The following PRR14L variants were observed in gnomAD, a reference collection of about 807,000 sequenced individuals.
PRR14L encodes the protein proline rich 14 like.
Under a neutral mutation model 155.0 loss-of-function variants are expected in PRR14L, and 80 were observed. The ratio of observed to expected loss-of-function variants is 0.52; its 90% CI spans 0.43 to 0.62. The LOEUF is 0.62. Ranked by LOEUF, PRR14L falls within the 20% of genes least tolerant of loss-of-function variation. PRR14L has a pLI of 0.00. For synonymous variants in PRR14L, 883 were observed against 916.0 expected (o/e 0.96, Z 0.65); for missense variants, 2,469 against 2,548.0 (o/e 0.97, Z 0.67).
rs1333798312 is a variant in PRR14L, at chr22:31,715,899, T to C, written c.1940A>G (p.Glu647Gly). 2 of 1,551,612 alleles carry C rather than the reference T, an allele frequency of 1.3e-6. No homozygotes were observed. The highest frequency in any genetic ancestry group is 8.7e-7 in the Non-Finnish European group (1 of 1,146,848). ...TTGTTGATTTAAAACACATTCACTT[T>C]CTACTTTGTTTACAACCAGTTCATT... ...CTNELVVNKV[E>G]SECVLNQQVS... The change falls in exon 4 of 9, where the codon GAA becomes GGA. Residue 647 changes from glutamate (E) to glycine (G), a missense_variant. Glu to Gly is a moderately conservative substitution (Grantham distance 98). This residue lies in a region of PRR14L where 2,363 missense variants were observed against 2,371.6 expected (regional missense o/e 1.00). Coordinates refer to ENST00000327423, the MANE Select transcript of PRR14L (RefSeq NM_173566.3).
At chr22:31,701,265 G>T (rs1330672759) in intron 7 of PRR14L, among the ~76,000 whole-genome samples, 1 of 152,122 alleles carries the variant, frequency 6.6e-6, no homozygotes, top group Non-Finnish European at 1.5e-5. Context: ...TGGGGTTACA[G>T]GTGTGAGCCA....
intron 4 of PRR14L, among the ~76,000 whole-genome samples, chr22:31,708,525 C>A (rs2074603353): frequency 6.6e-6 from 1 of 152,000 alleles, no homozygotes; most frequent in Non-Finnish European, 1.5e-5. Flanking sequence ...CGAGGTTTCA[C>A]CATGTTGGCT....
chr22:31,739,934 C>T (rs1010572697), intron 1 of PRR14L, among the ~76,000 whole-genome samples: 1 of 152,090 alleles, frequency 6.6e-6, no homozygotes, highest in Non-Finnish European at 1.5e-5. Context: ...CAACAAAATC[C>T]ACTTTGACCA....
intron 5 of PRR14L, 68 bp from the exon 6 acceptor site, chr22:31,703,789 T>G: frequency 1.0e-6 from 1 of 993,248 alleles, no homozygotes; most frequent in Non-Finnish European, 1.4e-6. Flanking sequence ...TTCAACTTCT[T>G]CTTCTTCATT....
chr22:31,737,291 G>A (rs1421159724), intron 2 of PRR14L, among the ~76,000 whole-genome samples: 1 of 151,800 alleles, frequency 6.6e-6, no homozygotes, highest in Admixed American at 6.6e-5. Context: ...GACCAGCCTG[G>A]TCAACATGGT....
intron 8 of PRR14L, among the ~76,000 whole-genome samples, chr22:31,686,081 T>C (rs1161508885): frequency 6.6e-6 from 1 of 151,262 alleles, no homozygotes; most frequent in Non-Finnish European, 1.5e-5. Context: ...ACTACAGGTA[T>C]GTGTCACTAT....
intron 4 of PRR14L, among the ~76,000 whole-genome samples, chr22:31,710,491 C>T (rs1422794316): frequency 2.0e-5 from 3 of 150,800 alleles, no homozygotes; most frequent in African/African-American, 4.9e-5. Context: ...CTCACTCTGT[C>T]GCCCAGGCTG....
chr22:31,738,998 G>C (rs750733437), intron 1 of PRR14L, 87 bp from the exon 2 acceptor site: 5 of 588,150 alleles, frequency 8.5e-6, no homozygotes, highest in Non-Finnish European at 1.5e-5. Flanking sequence ...CTACAACGAA[G>C]AAAATAAGTT....
In PRR14L at chr22:31,714,380, GGCACAA is replaced by G; in HGVS notation, c.3453_3458del (p.Cys1152_Ala1153del). 1 of 1,551,564 alleles carries G rather than the reference GGCACAA, an allele frequency of 6.4e-7. No individual in the cohort carries two copies. The highest frequency in any genetic ancestry group is 8.7e-7 in the Non-Finnish European group (1 of 1,146,960). ...GATCTGCAACAGACTCCATCTCATG[GGCACAA>G]GAGTCTGGACACTTTTCCATTTCAC... On this transcript the variant is annotated inframe_deletion, in exon 4 of 9. Transcript: ENST00000327423.
Position 31,714,397 on chromosome 22 carries a change from A to G in PRR14L, c.3442T>C (p.Cys1148Arg). 6.4e-7 allele frequency: 1 copy of G among 1,551,664 alleles called. No individual in the cohort carries two copies. The highest frequency in any genetic ancestry group is 8.7e-7 in the Non-Finnish European group (1 of 1,146,994). Residue 1148 changes from cysteine (C) to arginine (R), a missense_variant, in exon 4 of 9, where the codon TGT becomes CGT. Cys to Arg is a radical substitution (Grantham distance 180). Transcript: ENST00000327423. ...RSLKDCEMEK[C>R]PDSCAHEMES... ...ATCTCATGGGCACAAGAGTCTGGACACTTTTCCATTTCACAGTCTTTTAAA... is the reference window on the plus strand; with the variant it reads ...ATCTCATGGGCACAAGAGTCTGGACGCTTTTCCATTTCACAGTCTTTTAAA...
intron 1 of PRR14L, among the ~76,000 whole-genome samples, chr22:31,746,022 T>C (rs2147879756): frequency 6.6e-6 from 1 of 151,896 alleles, no homozygotes; most frequent in South Asian, 2.1e-4. Context: ...CTTCAAACTC[T>C]GGACTCAAGC....
intron 1 of PRR14L, among the ~76,000 whole-genome samples, chr22:31,739,390 C>G (rs1176321082): frequency 6.6e-6 from 1 of 152,194 alleles, no homozygotes; most frequent in African/African-American, 2.4e-5. Context: ...CATATACTGA[C>G]TTTTCCTCTT....
intron 2 of PRR14L, among the ~76,000 whole-genome samples, chr22:31,727,225 G>A (rs1171836242): frequency 6.7e-6 from 1 of 149,922 alleles, no homozygotes; most frequent in Non-Finnish European, 1.5e-5. Flanking sequence ...TCCTTGATTA[G>A]CCACAATTCT....
Position 31,740,685 on chromosome 22 carries a change from C to T in PRR14L, c.-51-1774G>A, listed in dbSNP as rs2074808038. Among the ~76,000 whole-genome samples, 5 of 152,084 alleles carry T rather than the reference C, an allele frequency of 3.3e-5. No individual in the cohort carries two copies. The South Asian group carries it at 1.0e-3, about 31-fold the overall frequency. On this transcript the variant is annotated intron_variant, in intron 1 of 8. Coordinates refer to ENST00000327423, the MANE Select transcript of PRR14L (RefSeq NM_173566.3). ...CCACACTTTCATTCTTGATGCTTTC[C>T]CTAACCCTAAACAAGGAGAGAAAAG... is the stretch of plus-strand genomic sequence containing the variant.
chr22:31,714,561 C>A lies in PRR14L; in HGVS notation c.3278G>T (p.Arg1093Met). Residue 1093 changes from arginine (R) to methionine (M), a missense_variant, in exon 4 of 9, where the codon AGG (arginine) becomes ATG (methionine). By Grantham distance (91) the Arg-to-Met change is moderately conservative (BLOSUM62 -1). Transcript: ENST00000327423. ...CAGTTCTCTCCGAGACAAGGTACTC[C>A]TGGAGTCCTCTTGAAATGCCAGTTT... ...QEKLAFQEDS[R>M]STLSRRELDA... The A allele has an allele frequency of 6.4e-7, 1 of 1,551,942 alleles. No homozygotes were observed. The highest frequency in any genetic ancestry group is 8.7e-7 in the Non-Finnish European group (1 of 1,147,034).
chr22:31,712,098 A>C lies in PRR14L; in HGVS notation c.5741T>G (p.Leu1914Arg). ...HSPHCKRQPS[L>R]GTTSSHTMLP... The stretch of plus-strand genomic sequence containing the variant: ...CAGATTTTACCTGCTTGTGGTGCCC[A>C]GACTTGGTTGCCGCTTGCAGTGAGG... The change falls in exon 4 of 9, where the codon CTG (leucine) becomes CGG (arginine). Residue 1914 changes from leucine to arginine, a missense_variant. Around this residue, in one of 2 missense-constraint regions of PRR14L, gnomAD observed 2,363 missense variants for 2,371.6 expected, o/e 1.00. Transcript: ENST00000327423. 1.2e-6 allele frequency: 2 copies of C among 1,611,572 alleles called. No homozygotes were observed. Among genetic ancestry groups the C allele is most frequent in the Non-Finnish European group, 1.7e-6 (2 of 1,178,876 alleles).
Position 31,716,445 on chromosome 22 carries a change from G to A in PRR14L, c.1394C>T (p.Thr465Ile). 1 of 1,551,366 alleles carries A rather than the reference G, an allele frequency of 6.4e-7. No individual in the cohort carries two copies. The highest frequency in any genetic ancestry group is 8.7e-7 in the Non-Finnish European group (1 of 1,146,774). Residue 465 changes from threonine to isoleucine, a missense_variant, in exon 4 of 9, where the codon ACT (threonine) becomes ATT (isoleucine). This residue lies in a region of PRR14L where 2,363 missense variants were observed against 2,371.6 expected (regional missense o/e 1.00). Transcript: ENST00000327423. The stretch of plus-strand genomic sequence containing the variant: ...ATTTAACATTACTTCTGTGGCTTCA[G>A]TAAAAGAATTGGGCATTAAAGAACT... ...NSSSLMPNSF[T>I]EATEVMLNKN...
intron 6 of PRR14L, among the ~76,000 whole-genome samples, chr22:31,702,457 G>C (rs2074567567): frequency 1.3e-5 from 2 of 152,114 alleles, no homozygotes; most frequent in Non-Finnish European, 2.9e-5. Context: ...CCAACCTCAG[G>C]TGATCCGCCC....
At chr22:31,722,104 G>C (rs1033000486) in intron 3 of PRR14L, among the ~76,000 whole-genome samples, 1 of 152,094 alleles carries the variant, frequency 6.6e-6, no homozygotes. Flanking sequence ...TGAAACAAAG[G>C]TAGTAAGTAT....
Sources: gnomAD v4.1 joint callset for allele counts (sites outside exome capture counted in the v4.1 genomes callset) on GRCh38, gnomAD v4.1.1 for gene constraint, gnomAD v4.1.1 regional missense constraint, MANE v1.5 for transcripts, NCBI Gene and HGNC (gene_info 2026-07-23, HGNC 2026-07-21) for gene names.